The following STOX2 variants were observed in gnomAD, a reference collection of about 807,000 sequenced individuals.
STOX2 encodes the protein storkhead-box protein 2.
In STOX2, 28 loss-of-function variants were observed where a neutral mutation model predicts 60.9. That is an observed-to-expected ratio of 0.46 (90% CI 0.34 to 0.63). The LOEUF (loss-of-function observed/expected upper bound fraction) is 0.63. STOX2 is among the 30% of genes least tolerant of loss of function. The probability of loss-of-function intolerance (pLI) is 0.01; values close to 1 mark genes in which losing one functional copy is unlikely to be tolerated. For synonymous variants in STOX2, 472 were observed against 463.9 expected, an observed-to-expected ratio of 1.02 and a Z score of -0.22; for missense variants, 1,024 against 1,187.7, an observed-to-expected ratio of 0.86 and a Z score of 2.03.
rs1279117709 is a variant in STOX2, at chr4:183,886,107, CAAAA to C, written c.364+88053_364+88056del. ...GGTTGCTGGATGGTGTAGGCAGATG[CAAAA>C]TCAGGAGGGTGAAGGTTCAGATGGT... On this transcript the variant is annotated intron_variant, in intron 1 of 2. Coordinates refer to the STOX2 transcript ENST00000513034. Among the ~76,000 whole-genome samples the C allele has an allele frequency of 7.4e-4, 102 of 137,576 alleles. 22 individuals are homozygous for C. The highest frequency in any genetic ancestry group is 1.0e-3 in the African/African-American group (39 of 37,154). 90.3% of individuals were successfully genotyped at this position (137,576 alleles called of 152,430 possible). A position where few individuals can be genotyped will look rare whatever the true frequency, so the allele number is the denominator to read the frequency against.
At chr4:183,850,184 GCTGGTCTTGAA>G (rs1023478277) in intron 1 of STOX2, among the ~76,000 whole-genome samples, 18 of 151,652 alleles carry the variant, frequency 1.2e-4, no homozygotes, top group Non-Finnish European at 2.1e-4. Context: ...TGTTGGCCAG[GCTGGTCTTGAA>G]CTCCTGTCCT....
chr4:184,011,697 G>T lies in STOX2; in HGVS notation c.2585+274G>T. 1 of 1,260,126 alleles carries T rather than the reference G, an allele frequency of 7.9e-7. No homozygotes were observed. The highest frequency in any genetic ancestry group is 1.0e-6 in the Non-Finnish European group (1 of 965,138). The allele number at this position is 1,260,126 out of a possible 1,614,324, so 78.1% of individuals were successfully genotyped here. On this transcript the variant is annotated intron_variant, in intron 3 of 3. Transcript: ENST00000308497. This position sits in a 1 kb window ranked among gnomAD's most constrained non-coding sequence, Gnocchi z 4.4. ...GATCTAACTAAAACCAATATTTCCA[G>T]TATTTTTTCTGCTACGTTCATATTG... is the stretch of plus-strand genomic sequence containing the variant.
rs1184046029 is a variant in STOX2 at position 184,007,030 on chromosome 4, A to C, written c.320-2128A>C. On this transcript the variant is annotated intron_variant, in intron 2 of 3. Transcript: ENST00000308497. ...GACTCTGTCTCAAAAAAAAAAAAAA[A>C]AACAAAACAAAAAAAAAATTTTGTT... Among the ~76,000 whole-genome samples, 19 of 69,380 alleles carry C rather than the reference A, an allele frequency of 2.7e-4. No homozygotes were observed. The South Asian group carries it at 4.2e-3, about 15-fold the overall frequency. The allele number at this position is 69,380 out of a possible 152,430, so 45.5% of individuals were successfully genotyped here. A position where few individuals can be genotyped will look rare whatever the true frequency, so the allele number is the denominator to read the frequency against.
chr4:184,009,729 G>A lies in STOX2; in HGVS notation c.891G>A (p.Leu297=). 1 of 1,613,716 alleles carries A rather than the reference G, an allele frequency of 6.2e-7. No individual in the cohort carries two copies. Among genetic ancestry groups the A allele is most frequent in the East Asian group, 2.2e-5 (1 of 44,886 alleles). ...AGTTTCCTCCTGAAGAGTGGCCCCT[G>A]CGAGACGAGGACACGCCAGCTACGA... is the stretch of plus-strand genomic sequence containing the variant. ...SAQFPPEEWP[L]RDEDTPATIP... The change falls in exon 3 of 4, where the codon CTG becomes CTA. Residue 297 remains leucine, a synonymous_variant. Transcript: ENST00000308497. The surrounding 1 kb of genome is among the most constrained non-coding windows in gnomAD (Gnocchi z 4.0).
intron 2 of STOX2, among the ~76,000 whole-genome samples, chr4:184,005,281 G>A (rs904674576): frequency 1.3e-5 from 2 of 152,120 alleles, no homozygotes; most frequent in Non-Finnish European, 2.9e-5. Context: ...CCAACATGAC[G>A]AAACCTTGTC....
chr4:183,914,860 GATTTGTTTT>G (rs1741885041), intron 1 of STOX2, among the ~76,000 whole-genome samples: 1 of 152,120 alleles, frequency 6.6e-6, no homozygotes, highest in African/African-American at 2.4e-5. Flanking sequence ...TTAATTCTTG[GATTTGTTTT>G]ATTAGTGTTC....
chr4:183,944,370 C>T lies in STOX2; in HGVS notation c.166+37414C>T, dbSNP rs375211184. Among the ~76,000 whole-genome samples, 10 of 152,324 alleles carry T rather than the reference C, an allele frequency of 6.6e-5. No homozygotes were observed. In the East Asian group the frequency reaches 1.2e-3, roughly 18 times the overall value. On this transcript the variant is annotated intron_variant, in intron 1 of 3. Coordinates refer to ENST00000308497, the MANE Select transcript of STOX2 (RefSeq NM_020225.3). The stretch of plus-strand genomic sequence containing the variant: ...AGGTGCATAATACACTCAAATACTA[C>T]ATTAAGACCCTGTCATTGCTCATCA...
intron 1 of STOX2, among the ~76,000 whole-genome samples, chr4:183,829,628 T>A (rs976625858): frequency 3.3e-5 from 5 of 152,206 alleles, no homozygotes; most frequent in African/African-American, 1.2e-4. Context: ...CAGCCCTTGG[T>A]CACATTGTCT....
intron 3 of STOX2, 40 bp from the exon 4 acceptor site, chr4:184,017,049 G>A: frequency 6.6e-7 from 1 of 1,511,346 alleles, no homozygotes. Flanking sequence ...AATTATTTAT[G>A]TTCCAAACAA....
intron 1 of STOX2, among the ~76,000 whole-genome samples, chr4:183,823,395 TAAAAACAAAACA>T (rs1385864893): frequency 9.2e-5 from 14 of 152,140 alleles, no homozygotes. Flanking sequence ...AAACTCCGTC[TAAAAACAAAACA>T]AAAAACAAAC....
At chr4:183,987,896 A>G (rs1376077332) in intron 1 of STOX2, 2 of 152,260 alleles carry the variant, frequency 1.3e-5, no homozygotes, top group South Asian at 2.1e-4. Flanking sequence ...TTAACACAAC[A>G]TAGGAAAATG....
chr4:183,984,543 A>G (rs536298167), intron 1 of STOX2, among the ~76,000 whole-genome samples: 3 of 152,330 alleles, frequency 2.0e-5, no homozygotes, highest in East Asian at 1.9e-4. Flanking sequence ...TGAACTGACC[A>G]TAGGACTTTG....
chr4:183,910,402 A>G (rs181092000), intron 1 of STOX2, among the ~76,000 whole-genome samples: 19 of 152,332 alleles, frequency 1.2e-4, no homozygotes, highest in Admixed American at 7.8e-4. Context: ...CAAGGCCCCA[A>G]ACCTTTTGTT....
At chr4:183,873,495 C>T (rs1357493926) in intron 1 of STOX2, among the ~76,000 whole-genome samples, 1 of 149,940 alleles carries the variant, frequency 6.7e-6, no homozygotes, top group Non-Finnish European at 1.5e-5. Flanking sequence ...TTGGGTGTTG[C>T]ATTCTAGGTT....
chr4:184,002,240 C>T (rs1733622340), intron 2 of STOX2, among the ~76,000 whole-genome samples: 1 of 152,168 alleles, frequency 6.6e-6, no homozygotes, highest in South Asian at 2.1e-4. Context: ...TGTCTGTGTG[C>T]CAGCAACATG....
chr4:183,949,503 GC>G (rs1386761914), intron 1 of STOX2, among the ~76,000 whole-genome samples: 1 of 151,992 alleles, frequency 6.6e-6, no homozygotes, highest in Non-Finnish European at 1.5e-5. Context: ...TTCGAGACCA[GC>G]CTGGCCAACA....
At chr4:183,868,487 T>A (rs767187531) in intron 1 of STOX2, among the ~76,000 whole-genome samples, 16 of 152,230 alleles carry the variant, frequency 1.1e-4, no homozygotes, top group Admixed American at 2.0e-4. Flanking sequence ...GTTACCTAGA[T>A]CTTCCTCAGG....
chr4:183,896,165 G>A (rs1043193926), intron 1 of STOX2, among the ~76,000 whole-genome samples: 5 of 152,186 alleles, frequency 3.3e-5, no homozygotes, highest in East Asian at 1.9e-4. Flanking sequence ...GAGAAAATGC[G>A]AGAACTTGGG....
chr4:183,921,665 A>G (rs1164413125), intron 1 of STOX2, among the ~76,000 whole-genome samples: 1 of 152,260 alleles, frequency 6.6e-6, no homozygotes, highest in East Asian at 1.9e-4. Context: ...AAGATTTAAT[A>G]TAATACAAAT....
Sources: gnomAD v4.1 joint callset for allele counts (sites outside exome capture counted in the v4.1 genomes callset) on GRCh38, gnomAD v4.1.1 for gene constraint, Gnocchi (gnomAD v3.1) non-coding constraint, MANE v1.5 for transcripts, NCBI Gene and HGNC (gene_info 2026-07-23, HGNC 2026-07-21) for gene names.